Variants in MICU3 observed in about 807,000 individuals in gnomAD.
MICU3 encodes the protein mitochondrial calcium uptake 3, also known as calcium uptake protein 3, mitochondrial.
MICU3 carries 62 observed loss-of-function variants against 66.5 expected under a neutral mutation model. That is an observed-to-expected ratio of 0.93 (90% confidence interval 0.76 to 1.15). MICU3 has a LOEUF of 1.15. MICU3 is among the 50% of genes most tolerant of loss of function. The probability of loss-of-function intolerance (pLI) is 0.00; values close to 1 mark genes in which losing one functional copy is unlikely to be tolerated. For synonymous variants in MICU3, 308 were observed against 240.7 expected (o/e 1.28, Z -2.59); for missense variants, 779 against 664.4 (o/e 1.17, Z -1.90).
chr8:17,027,510 G>A lies in MICU3; in HGVS notation c.231G>A (p.Leu77=), dbSNP rs1811196907. Reference sequence around the variant, plus strand: ...TGGCGGCGGCGGCCGGCGGGGGGCTGGTCGGCCTGGTATGCTACCAGCTGT... The same window carrying A: ...TGGCGGCGGCGGCCGGCGGGGGGCTAGTCGGCCTGGTATGCTACCAGCTGT... The part of the protein sequence containing the change: ...LSVAAAAGGG[L]VGLVCYQLYG... Residue 77 remains leucine, a synonymous_variant, in exon 1 of 15, where the codon CTG becomes CTA. Transcript: ENST00000318063. The A allele has an allele frequency of 1.6e-6, 2 of 1,283,630 alleles. No homozygotes were observed. The highest frequency in any genetic ancestry group is 6.2e-5 in the East Asian group (2 of 32,066). 79.5% of individuals were successfully genotyped at this position (1,283,630 alleles called of 1,614,324 possible).
chr8:17,096,005 A>C (rs771592787), intron 8 of MICU3, among the ~76,000 whole-genome samples: 8 of 151,962 alleles, frequency 5.3e-5, no homozygotes, highest in Non-Finnish European at 1.0e-4. Context: ...TGTGCCTTTC[A>C]CTTGTGAAGT....
rs188988814 is a variant in MICU3, at chr8:17,109,170, G to T, written c.1257+3586G>T. Among the ~76,000 whole-genome samples, 142 of 151,978 alleles carry T rather than the reference G, an allele frequency of 9.3e-4. 1 individual carries two copies. Among genetic ancestry groups the T allele is most frequent in the African/African-American group, 3.4e-3 (140 of 41,448 alleles). ...ACCTTAATCTGTTTTTATTTCCATAGCATAATCATATTCTAACATACTGTA... is the reference window on the plus strand; with the variant it reads ...ACCTTAATCTGTTTTTATTTCCATATCATAATCATATTCTAACATACTGTA... On this transcript the variant is annotated intron_variant, in intron 11 of 14. Transcript: ENST00000318063.
chr8:17,047,693 C>A (rs1009632284), intron 1 of MICU3, among the ~76,000 whole-genome samples: 4 of 152,236 alleles, frequency 2.6e-5, no homozygotes, highest in African/African-American at 9.6e-5. Flanking sequence ...GAGAAAATAA[C>A]TGCCACTTAG....
At chr8:17,090,349 C>T (rs1467274904) in intron 7 of MICU3, among the ~76,000 whole-genome samples, 197 bp from the exon 8 acceptor site, 2 of 152,082 alleles carry the variant, frequency 1.3e-5, no homozygotes, top group East Asian at 1.9e-4. Context: ...GTTTAATTAT[C>T]TGAGATTTTT....
intron 4 of MICU3, among the ~76,000 whole-genome samples, chr8:17,079,470 G>A (rs545504968): frequency 3.0e-4 from 45 of 152,142 alleles, no homozygotes; most frequent in Middle Eastern, 6.8e-3. Context: ...TTTAAATAGC[G>A]ATTAAGTGGC....
In MICU3 at chr8:17,060,080, T is replaced by C. The variant is rs1817579256; in HGVS notation, c.382-4004T>C. Among the ~76,000 whole-genome samples, 3 of 152,304 alleles carry C rather than the reference T, an allele frequency of 2.0e-5. No homozygotes were observed. In the East Asian group the frequency reaches 5.8e-4, roughly 29 times the overall value. ...AATGTCAAAACATATTCAAAAGATA[T>C]AGTCATTAAAACAGTATGGTATTTG... On this transcript the variant is annotated intron_variant, in intron 1 of 14. Coordinates refer to ENST00000318063, the MANE Select transcript of MICU3 (RefSeq NM_181723.3).
intron 1 of MICU3, among the ~76,000 whole-genome samples, chr8:17,057,773 G>A (rs112081830): frequency 9.1e-4 from 138 of 152,140 alleles, no homozygotes; most frequent in African/African-American, 3.2e-3. Context: ...ATATAATTCA[G>A]GTTTTCTTGG....
intron 3 of MICU3, among the ~76,000 whole-genome samples, chr8:17,071,382 A>G (rs1819562884): frequency 6.6e-6 from 1 of 152,144 alleles, no homozygotes; most frequent in South Asian, 2.1e-4. Context: ...CTGTCTTCAC[A>G]TGGTCTTTCC....
rs1803149608 is a variant in MICU3 at position 17,120,924 on chromosome 8, ATTG to A, written c.*643_*645del. On this transcript the variant is annotated 3_prime_UTR_variant, in exon 15 of 15. Transcript: ENST00000318063. ...TTTGACTTGTATAAAGTTTTTAAAA[ATTG>A]TTGTTTATTTGCCAAAGTCAACAGA... is the stretch of plus-strand genomic sequence containing the variant. 6.6e-6 allele frequency: 1 copy of A among 152,046 alleles called. No individual in the cohort carries two copies. The highest frequency in any genetic ancestry group is 1.5e-5 in the Non-Finnish European group (1 of 67,880). The allele number at this position is 152,046 out of a possible 1,614,324, so 9.4% of individuals were successfully genotyped here. A position where few individuals can be genotyped will look rare whatever the true frequency, so the allele number is the denominator to read the frequency against.
rs770412789 is a variant in MICU3 at position 17,027,261 on chromosome 8, G to T, written c.-19G>T. ...CCGTTCTCTGCCCCCTCCCAGCTCT[G>T]GTGTGGGCGGCCTCCGCTATGGCTG... is the stretch of plus-strand genomic sequence containing the variant. On this transcript the variant is annotated 5_prime_UTR_variant, in exon 1 of 15. Transcript: ENST00000318063. The T allele has an allele frequency of 1.0e-6, 1 of 988,010 alleles. No homozygotes were observed. Among genetic ancestry groups the T allele is most frequent in the Non-Finnish European group, 1.2e-6 (1 of 821,232 alleles). 61.2% of individuals were successfully genotyped at this position (988,010 alleles called of 1,614,324 possible).
intron 12 of MICU3, 29 bp from the exon 13 acceptor site, chr8:17,116,414 T>C (rs778000803): frequency 1.5e-6 from 2 of 1,354,286 alleles, no homozygotes; most frequent in Non-Finnish European, 1.9e-6. Context: ...AATAACAGTC[T>C]ATTCTTTTTC....
At position 17,114,204 on chromosome 8, in the gene MICU3, A is replaced by G. The variant is rs768326924; in HGVS notation, c.1366+3A>G. 1.3e-6 allele frequency: 2 copies of G among 1,559,594 alleles called. No individual in the cohort carries two copies. The highest frequency in any genetic ancestry group is 3.4e-5 in the Admixed American group (2 of 58,540). On this transcript the variant is annotated splice_donor_region_variant and intron_variant, in intron 12 of 14. Transcript: ENST00000318063. ...TGCAAGTCGTTCTATAGGGCAAGGTAAGTAATCATCTACAAAAATTAAAAG... is the reference window on the plus strand; with the variant it reads ...TGCAAGTCGTTCTATAGGGCAAGGTGAGTAATCATCTACAAAAATTAAAAG...
intron 1 of MICU3, 24 bp downstream of exon 1, chr8:17,027,684 A>T: frequency 7.9e-7 from 1 of 1,270,148 alleles, no homozygotes; most frequent in Non-Finnish European, 9.9e-7. Context: ...CGCGCGTCAC[A>T]CCTGCGCGGG....
chr8:17,111,917 T>C (rs1018773667), intron 11 of MICU3, among the ~76,000 whole-genome samples: 6 of 152,134 alleles, frequency 3.9e-5, no homozygotes, highest in African/African-American at 1.4e-4. Context: ...TGAGAAAACT[T>C]ACAATCATGG....
chr8:17,107,518 G>C (rs1414387787), intron 11 of MICU3, among the ~76,000 whole-genome samples: 1 of 152,080 alleles, frequency 6.6e-6, no homozygotes, highest in Non-Finnish European at 1.5e-5. Context: ...GTTATTCAAA[G>C]AGTGACTGTA....
chr8:17,133,916 TTTAC>T, the MICU3 span, among the ~76,000 whole-genome samples: 1 of 152,236 alleles, frequency 6.6e-6, no homozygotes, highest in African/African-American at 2.4e-5. Context: ...ACTACATTGT[TTTAC>T]TTACTTTATA....
In MICU3 at chr8:17,064,247, CTTTTGAAA is replaced by C. The variant is rs1563317482; in HGVS notation, c.535+13_535+20del. ...ACAGATGAGCCCAAAGGTAAGTACACTTTTGAAATTATCTTAATAATTGTATAATTTTT... is the reference window on the plus strand; with the variant it reads ...ACAGATGAGCCCAAAGGTAAGTACACTTATCTTAATAATTGTATAATTTTT... On this transcript the variant is annotated intron_variant, in intron 2 of 14. Coordinates refer to ENST00000318063, the MANE Select transcript of MICU3 (RefSeq NM_181723.3). 5.0e-6 allele frequency: 8 copies of C among 1,593,310 alleles called. No homozygotes were observed. Among genetic ancestry groups the C allele is most frequent in the Non-Finnish European group, 6.8e-6 (8 of 1,170,462 alleles).
intron 1 of MICU3, among the ~76,000 whole-genome samples, chr8:17,044,920 T>A (rs1814802862): frequency 6.6e-6 from 1 of 152,134 alleles, no homozygotes; most frequent in Non-Finnish European, 1.5e-5. Flanking sequence ...CTTCCAGAAA[T>A]TCTCAAAAAA....
chr8:17,038,060 C>T (rs915934024), intron 1 of MICU3, among the ~76,000 whole-genome samples: 1 of 152,142 alleles, frequency 6.6e-6, no homozygotes, highest in Non-Finnish European at 1.5e-5. Context: ...GCAGAAAGGA[C>T]TTGCCTTGTC....
Sources: allele counts gnomAD v4.1 joint callset (sites outside exome capture counted in the v4.1 genomes callset), GRCh38; gene constraint gnomAD v4.1.1; transcripts MANE v1.5; gene names NCBI Gene and HGNC (gene_info 2026-07-23, HGNC 2026-07-21).